BABAM2: variants seen among roughly 807,000 people sequenced by gnomAD.
The protein encoded by BABAM2 is BRISC and BRCA1-A complex member 2.
Under a neutral mutation model 54.7 loss-of-function variants are expected in BABAM2, and 31 were observed. That is an observed-to-expected ratio of 0.57 (90% CI 0.43 to 0.77). BABAM2 has a LOEUF of 0.77. Among genes scored for constraint, BABAM2 ranks in the 30% least tolerant of loss-of-function variants. BABAM2 has a pLI of 0.00. For missense variants in BABAM2, 364 were observed against 455.8 expected, an observed-to-expected ratio of 0.80 and a Z score of 1.83; for synonymous variants, 167 against 162.9, an observed-to-expected ratio of 1.03 and a Z score of -0.19.
intron 6 of BABAM2, among the ~76,000 whole-genome samples, chr2:28,092,678 AT>A (rs1344461779): frequency 6.6e-6 from 1 of 151,886 alleles, no homozygotes; most frequent in Non-Finnish European, 1.5e-5. Flanking sequence ...ATGATTTTTA[AT>A]TCTTCGATAG....
intron 10 of BABAM2, among the ~76,000 whole-genome samples, chr2:28,264,745 A>C (rs1388766375): frequency 6.6e-6 from 1 of 152,178 alleles, no homozygotes; most frequent in Admixed American, 6.5e-5. Flanking sequence ...TTTTTCTGGG[A>C]GGTGAACAGC....
chr2:27,998,062 A>G (rs1444227316), intron 4 of BABAM2, among the ~76,000 whole-genome samples: 2 of 152,068 alleles, frequency 1.3e-5, no homozygotes, highest in Non-Finnish European at 2.9e-5. Context: ...CTGAGGGAGG[A>G]GAATCGTTTG....
chr2:27,947,058 T>G (rs1210112053), intron 3 of BABAM2, among the ~76,000 whole-genome samples: 1 of 152,178 alleles, frequency 6.6e-6, no homozygotes, highest in African/African-American at 2.4e-5. Flanking sequence ...TCATAGATTT[T>G]TCTTTATTAT....
At chr2:27,895,684 C>T (rs1665239681) in intron 2 of BABAM2, among the ~76,000 whole-genome samples, 2 of 152,158 alleles carry the variant, frequency 1.3e-5, no homozygotes, top group South Asian at 4.1e-4. Context: ...CCCGGTTTCT[C>T]ATCATCCTTT....
intron 7 of BABAM2, 125 bp from the exon 8 acceptor site, chr2:28,237,077 A>G (rs542989006): frequency 2.0e-5 from 14 of 704,586 alleles, no homozygotes; most frequent in African/African-American, 1.6e-4. Flanking sequence ...CCATATACCC[A>G]TCATCATTAA....
At chr2:28,093,695 T>G (rs902627048) in intron 6 of BABAM2, among the ~76,000 whole-genome samples, 4 of 152,246 alleles carry the variant, frequency 2.6e-5, no homozygotes, top group African/African-American at 4.8e-5. Context: ...GTTTGTTCAC[T>G]TGTTCATTTT....
intron 11 of BABAM2, among the ~76,000 whole-genome samples, chr2:28,334,782 C>G (rs78676614): frequency 0.026 from 4,014 of 152,266 alleles, 173 homozygotes; most frequent in African/African-American, 0.092. Context: ...CTGTCCCATG[C>G]GAGTGTGGCA....
intron 4 of BABAM2, among the ~76,000 whole-genome samples, chr2:28,002,276 G>C (rs1294592125): frequency 6.6e-6 from 1 of 152,020 alleles, no homozygotes; most frequent in Non-Finnish European, 1.5e-5. Flanking sequence ...AAGAAAGTCT[G>C]GTATCACAAA....
intron 3 of BABAM2, among the ~76,000 whole-genome samples, chr2:27,969,695 G>A (rs1041480934): frequency 5.3e-5 from 8 of 152,302 alleles, no homozygotes; most frequent in Admixed American, 4.6e-4. Flanking sequence ...GGACGGGGGA[G>A]GAGGTTATTT....
intron 6 of BABAM2, among the ~76,000 whole-genome samples, chr2:28,115,395 G>C (rs1668521312): frequency 6.6e-6 from 1 of 152,090 alleles, no homozygotes; most frequent in African/African-American, 2.4e-5. Context: ...GGGAGGCCAA[G>C]GCGGGCGGAT....
chr2:28,133,486 C>A (rs1390869423), intron 7 of BABAM2, among the ~76,000 whole-genome samples: 2 of 152,144 alleles, frequency 1.3e-5, no homozygotes, highest in Non-Finnish European at 2.9e-5. Flanking sequence ...AGTCCCAAGC[C>A]CCATGCAGTG....
At chr2:28,082,866 C>T (rs1665299356) in intron 6 of BABAM2, among the ~76,000 whole-genome samples, 1 of 152,148 alleles carries the variant, frequency 6.6e-6, no homozygotes, top group South Asian at 2.1e-4. Context: ...TCTCACTTCT[C>T]CTGATATACT....
chr2:27,958,287 G>C (rs557809859), intron 3 of BABAM2, among the ~76,000 whole-genome samples: 497 of 152,158 alleles, frequency 3.3e-3, no homozygotes, highest in Non-Finnish European at 6.2e-3. Context: ...TAGGAGGGTG[G>C]AAGAGATGGG....
At chr2:28,248,704 A>G (rs561914468) in intron 10 of BABAM2, among the ~76,000 whole-genome samples, 24 of 152,322 alleles carry the variant, frequency 1.6e-4, no homozygotes, top group Non-Finnish European at 2.4e-4. Flanking sequence ...ACAATTGAGT[A>G]TTGAGATTTG....
intron 7 of BABAM2, among the ~76,000 whole-genome samples, chr2:28,208,029 CTGTGTGTGTGTGTGTG>C (rs4043353): frequency 2.7e-4 from 40 of 149,828 alleles, no homozygotes; most frequent in South Asian, 1.1e-3. Context: ...GTGTTAAAGG[CTGTGTGTGTGTGTGTG>C]TGTGTGTGTG....
chr2:27,893,706 C>A (rs1050810531), intron 1 of BABAM2, among the ~76,000 whole-genome samples: 2 of 152,064 alleles, frequency 1.3e-5, no homozygotes, highest in Admixed American at 1.3e-4. Flanking sequence ...AAAGGTGTAT[C>A]AGCAGTAGGC....
chr2:28,012,187 C>G (rs1183573472), intron 4 of BABAM2, among the ~76,000 whole-genome samples: 3 of 152,196 alleles, frequency 2.0e-5, no homozygotes, highest in Admixed American at 2.0e-4. Context: ...CCTTCAAAAT[C>G]ACATCCCTGG....
In BABAM2 at chr2:27,951,877, A is replaced by T. The variant is rs115798691; in HGVS notation, c.205+21969A>T. Among the ~76,000 whole-genome samples the T allele has an allele frequency of 7.6e-3, 1,163 of 152,302 alleles. 13 individuals carry two copies. The highest frequency in any genetic ancestry group is 0.026 in the African/African-American group (1,099 of 41,550). On this transcript the variant is annotated intron_variant, in intron 3 of 11. Coordinates refer to ENST00000379624, the MANE Select transcript of BABAM2 (RefSeq NM_199191.3). ...CTATTTTAGTTTTTTAAAGAGAGAT[A>T]CTGCAATCTCTGACTATAATTATGG... is the stretch of plus-strand genomic sequence containing the variant.
intron 10 of BABAM2, among the ~76,000 whole-genome samples, chr2:28,265,024 AC>A (rs1684857536): frequency 1.3e-5 from 2 of 152,316 alleles, no homozygotes; most frequent in South Asian, 4.1e-4. Flanking sequence ...TCCACATTTG[AC>A]CCAAGGGTGT....
Sources: allele counts gnomAD v4.1 joint callset (sites outside exome capture counted in the v4.1 genomes callset), GRCh38; gene constraint gnomAD v4.1.1; transcripts MANE v1.5; gene names NCBI Gene and HGNC (gene_info 2026-07-23, HGNC 2026-07-21).